Variants in WDR75 observed in about 807,000 individuals in gnomAD.
WDR75 encodes the protein WD repeat domain 75.
In WDR75, 52 loss-of-function variants were observed where a neutral mutation model predicts 106.1. The ratio of observed to expected loss-of-function variants is 0.49; its 90% confidence interval spans 0.39 to 0.62. The LOEUF (loss-of-function observed/expected upper bound fraction) is 0.62, where lower values mean the gene tolerates loss of function less well. Among genes scored for constraint, WDR75 ranks in the 20% least tolerant of loss-of-function variants. WDR75 has a pLI of 0.00. For synonymous variants in WDR75, 333 were observed against 335.5 expected (o/e 0.99, Z 0.08); for missense variants, 905 against 970.3 (o/e 0.93, Z 0.89).
rs1687092225 is a variant in WDR75, at chr2:189,470,375, C to CTT, written c.1989+131_1989+132insTT. On this transcript the variant is annotated intron_variant, in intron 17 of 20. Transcript: ENST00000314761. ...AAAGGATTATTTCCCAAAAAATTGT[C>CTT]TAATATGCTCAGTACAGCAGCATTA... 3 of 975,392 alleles carry CTT rather than the reference C, an allele frequency of 3.1e-6. No homozygotes were observed. In the Admixed American group the frequency reaches 7.9e-5, roughly 26 times the overall value. 60.4% of individuals were successfully genotyped at this position (975,392 alleles called of 1,614,324 possible).
At chr2:189,460,360 C>T (rs186664540) in intron 8 of WDR75, among the ~76,000 whole-genome samples, 10 of 152,202 alleles carry the variant, frequency 6.6e-5, no homozygotes, top group African/African-American at 2.2e-4. Context: ...ACCTTCAACC[C>T]GATTATGGTT....
intron 9 of WDR75, among the ~76,000 whole-genome samples, chr2:189,463,306 C>T (rs1394314560): frequency 6.6e-6 from 1 of 152,134 alleles, no homozygotes; most frequent in Non-Finnish European, 1.5e-5. Context: ...AAGCCCCTAT[C>T]CCCACCCCTA....
chr2:189,474,369 T>G, intron 19 of WDR75, 37 bp downstream of exon 19: 1 of 1,584,354 alleles, frequency 6.3e-7, no homozygotes, highest in Non-Finnish European at 8.6e-7. Context: ...ACAGATTAAA[T>G]GCACTTAAAG....
chr2:189,465,083 A>G lies in WDR75; in HGVS notation c.1118A>G (p.Asp373Gly), dbSNP rs756168713. Residue 373 changes from aspartate to glycine, a missense_variant, in exon 12 of 21, where the codon GAT becomes GGT. Transcript: ENST00000314761. Reference sequence around the variant, plus strand: ...TTGGTTTTTTTTACTCATCAGTTAGATATTATACAGCAAGAATATATTAAT... The same window carrying G: ...TTGGTTTTTTTTACTCATCAGTTAGGTATTATACAGCAAGAATATATTAAT... ...LQSDKQLYNL[D>G]IIQQEYINDY... 47 of 1,585,380 alleles carry G rather than the reference A, an allele frequency of 3.0e-5. No homozygotes were observed. In the South Asian group the frequency reaches 3.0e-4, roughly 10 times the overall value.
chr2:189,443,969 A>C (rs1322247353), intron 1 of WDR75, among the ~76,000 whole-genome samples: 1 of 152,200 alleles, frequency 6.6e-6, no homozygotes, highest in African/African-American at 2.4e-5. Context: ...AGTCAGTGTC[A>C]ATGGGGAGAT....
At chr2:189,459,445 T>G in intron 8 of WDR75, 21 bp downstream of exon 8, 1 of 1,585,640 alleles carries the variant, frequency 6.3e-7, no homozygotes, top group Non-Finnish European at 8.6e-7. Flanking sequence ...GTTTAATTAT[T>G]AAAATGAACT....
At chr2:189,448,030 G>A (rs1020338802) in intron 1 of WDR75, among the ~76,000 whole-genome samples, 2 of 152,144 alleles carry the variant, frequency 1.3e-5, no homozygotes, top group African/African-American at 4.8e-5. Flanking sequence ...ATTTATAAAG[G>A]GGAGCTCTCC....
rs1019108015 is a variant in WDR75 at position 189,458,681 on chromosome 2, T to C, written c.570-72T>C. The C allele has an allele frequency of 1.5e-5, 20 of 1,333,672 alleles. 1 individual carries two copies. Among genetic ancestry groups the C allele is most frequent in the Non-Finnish European group, 2.0e-5 (20 of 1,011,412 alleles). The allele number at this position is 1,333,672 out of a possible 1,614,324, so 82.6% of individuals were successfully genotyped here. On this transcript the variant is annotated intron_variant, in intron 6 of 20. Coordinates refer to ENST00000314761, the MANE Select transcript of WDR75 (RefSeq NM_032168.3). ...TTGGTTGCTATTGCTGGGAACTCTC[T>C]TTTACTTAACTACATCACCACTTAT...
chr2:189,447,468 T>C (rs1686525054), intron 1 of WDR75, among the ~76,000 whole-genome samples: 1 of 152,166 alleles, frequency 6.6e-6, no homozygotes, highest in South Asian at 2.1e-4. Context: ...GACTTACCAT[T>C]TGTAAGCTGG....
intron 3 of WDR75, 131 bp from the exon 4 acceptor site, chr2:189,451,674 G>T (rs947339957): frequency 7.1e-6 from 5 of 700,412 alleles, no homozygotes; most frequent in African/African-American, 5.3e-5. Flanking sequence ...GTTGTCTTCT[G>T]TAGGCCAGGT....
intron 6 of WDR75, among the ~76,000 whole-genome samples, chr2:189,457,735 G>T (rs890078628): frequency 6.6e-6 from 1 of 152,022 alleles, no homozygotes; most frequent in Admixed American, 6.6e-5. Flanking sequence ...GTTTTAATTG[G>T]ATCAGATTTA....
intron 4 of WDR75, chr2:189,452,187 G>C: frequency 3.4e-6 from 1 of 293,812 alleles, no homozygotes; most frequent in Non-Finnish European, 6.4e-6. Context: ...ACTTAAATCT[G>C]TTATTAAGCA....
intron 5 of WDR75, among the ~76,000 whole-genome samples, chr2:189,456,243 T>C (rs1686733310): frequency 6.6e-6 from 1 of 152,172 alleles, no homozygotes; most frequent in South Asian, 2.1e-4. Context: ...ATAGCTAATG[T>C]TGACAGGATA....
At chr2:189,452,391 C>T (rs1686641947) in intron 4 of WDR75, among the ~76,000 whole-genome samples, 1 of 152,028 alleles carries the variant, frequency 6.6e-6, no homozygotes, top group East Asian at 1.9e-4. Flanking sequence ...AACCCCGTCT[C>T]TACTAAACAA....
intron 7 of WDR75, 75 bp downstream of exon 7, chr2:189,458,947 C>T: frequency 1.4e-6 from 2 of 1,443,186 alleles, no homozygotes; most frequent in Non-Finnish European, 1.8e-6. Context: ...AGGGCTATCT[C>T]TGGGTCCCAA....
Position 189,455,414 on chromosome 2 carries a change from G to T in WDR75, c.468G>T (p.Gln156His). 1 of 1,613,568 alleles carries T rather than the reference G, an allele frequency of 6.2e-7. No individual in the cohort carries two copies. The highest frequency in any genetic ancestry group is 8.5e-7 in the Non-Finnish European group (1 of 1,179,790). ...ELSFVLDYIN[Q>H]SPKCIAFGNE... is the part of the protein sequence containing the mutation. ...CCTTTGTTTTGGATTACATAAACCA[G>T]TCACCCAAGTGCATTGCCTTTGGAA... Residue 156 changes from glutamine to histidine, a missense_variant, in exon 5 of 21, where the codon CAG becomes CAT. Physicochemically the swap from Gln to His is conservative, Grantham distance 24. Transcript: ENST00000314761.
At position 189,466,474 on chromosome 2, in the gene WDR75, G is replaced by C. The variant is rs1342612878; in HGVS notation, c.1339G>C (p.Ala447Pro). 1 of 1,613,068 alleles carries C rather than the reference G, an allele frequency of 6.2e-7. No individual in the cohort carries two copies. The highest frequency in any genetic ancestry group is 1.3e-5 in the African/African-American group (1 of 74,842). ...INMPHEDCIT[A>P]LCFCNAEKSE... ...CATGCCACACGAAGACTGCATTACA[G>C]CTCTCTGTTTCTGTAATGCAGAAAA... is the stretch of plus-strand genomic sequence containing the variant. Residue 447 changes from alanine to proline, a missense_variant, in exon 13 of 21, where the codon GCT becomes CCT. Coordinates refer to ENST00000314761, the MANE Select transcript of WDR75 (RefSeq NM_032168.3).
At chr2:189,449,398 A>G in intron 2 of WDR75, 1 of 1,274,466 alleles carries the variant, frequency 7.8e-7, no homozygotes, top group Non-Finnish European at 1.0e-6. Flanking sequence ...ACGGGATCCA[A>G]GTACATATTT....
intron 2 of WDR75, chr2:189,449,237 T>G (rs1686565291): frequency 1.5e-6 from 2 of 1,302,090 alleles, no homozygotes; most frequent in South Asian, 2.5e-5. Context: ...TCCATTTTCC[T>G]GGATTAGTCA....
Sources: gnomAD v4.1 joint callset for allele counts (sites outside exome capture counted in the v4.1 genomes callset) on GRCh38, gnomAD v4.1.1 for gene constraint, MANE v1.5 for transcripts, NCBI Gene and HGNC (gene_info 2026-07-23, HGNC 2026-07-21) for gene names.